EGFL6: variants seen among roughly 807,000 people sequenced by gnomAD.
EGFL6 encodes EGF like domain multiple 6.
Under a neutral mutation model 43.1 loss-of-function variants are expected in EGFL6, and 42 were observed. The ratio of observed to expected loss-of-function variants is 0.98; its 90% CI spans 0.76 to 1.26. EGFL6 has a LOEUF of 1.26. EGFL6 is among the 50% of genes most tolerant of loss of function. The pLI is 0.00. For missense variants in EGFL6, 429 were observed against 427.8 expected (o/e 1.00, Z -0.02); for synonymous variants, 164 against 163.2 (o/e 1.01, Z -0.04).
chrX:13,616,086 A>C (rs1444016100), intron 7 of EGFL6, among the ~76,000 whole-genome samples: 1 of 111,852 alleles, frequency 8.9e-6, no homozygotes, highest in African/African-American at 3.2e-5. Flanking sequence ...ATGCCTAGAT[A>C]TTTTATAGTG....
intron 1 of EGFL6, among the ~76,000 whole-genome samples, chrX:13,579,395 G>A (rs2045492957): frequency 9.0e-6 from 1 of 111,361 alleles, no homozygotes; most frequent in African/African-American, 3.3e-5. Context: ...ATGGCCTCCA[G>A]CTCCACCCAT....
At chrX:13,612,443 T>A (rs1218425993) in intron 7 of EGFL6, among the ~76,000 whole-genome samples, 3 of 109,933 alleles carry the variant, frequency 2.7e-5, no homozygotes, top group Non-Finnish European at 5.7e-5. Context: ...CTATGTCTAC[T>A]TCTTTCTACA....
intron 11 of EGFL6, among the ~76,000 whole-genome samples, chrX:13,630,265 A>G (rs185786997): frequency 2.7e-5 from 3 of 112,401 alleles, no homozygotes; most frequent in Non-Finnish European, 5.6e-5. Flanking sequence ...GATAAAAAAG[A>G]ACATTAAAAT....
rs1166312050 is a variant in EGFL6, at chrX:13,589,540, A to G, written c.75-16A>G. 1.4e-5 allele frequency: 17 copies of G among 1,183,231 alleles called. No individual in the cohort carries two copies. In the Admixed American group the frequency reaches 3.8e-4, roughly 27 times the overall value. ...TTCTATTTTCTCAATACTAACATGT[A>G]GTTCTTTATCTGCAGTGCAAGGCAT... On this transcript the variant is annotated splice_polypyrimidine_tract_variant and intron_variant, in intron 1 of 11. Transcript: ENST00000361306.
At chrX:13,617,234 T>C (rs1451440975) in intron 7 of EGFL6, among the ~76,000 whole-genome samples, 1 of 111,785 alleles carries the variant, frequency 8.9e-6, no homozygotes, top group Non-Finnish European at 1.9e-5. Flanking sequence ...AGAAAGAAAA[T>C]TGGGTATGTG....
intron 7 of EGFL6, among the ~76,000 whole-genome samples, chrX:13,611,875 G>A (rs1334867856): frequency 1.8e-5 from 2 of 111,878 alleles, no homozygotes; most frequent in Non-Finnish European, 3.8e-5. Flanking sequence ...ATTTAAAGGA[G>A]AAAACTATCT....
intron 9 of EGFL6, among the ~76,000 whole-genome samples, chrX:13,622,882 G>A (rs1227773797): frequency 2.7e-5 from 3 of 111,756 alleles, no homozygotes; most frequent in African/African-American, 9.8e-5. Context: ...ATCTAAACAA[G>A]GCAGTCATTA....
chrX:13,600,678 A>T (rs1313910264), intron 4 of EGFL6, among the ~76,000 whole-genome samples: 1 of 102,118 alleles, frequency 9.8e-6, no homozygotes, highest in African/African-American at 3.6e-5. Flanking sequence ...CAGGTGGACT[A>T]CCTGAGGTCA....
At chrX:13,614,337 C>T (rs1159259910) in intron 7 of EGFL6, among the ~76,000 whole-genome samples, 3 of 111,748 alleles carry the variant, frequency 2.7e-5, no homozygotes, top group Non-Finnish European at 5.6e-5. Context: ...GTCCTAGCCC[C>T]TTCCTGTTTC....
At chrX:13,630,253 T>A (rs910988742) in intron 11 of EGFL6, among the ~76,000 whole-genome samples, 5 of 112,122 alleles carry the variant, frequency 4.5e-5, no homozygotes, top group Non-Finnish European at 9.4e-5. Flanking sequence ...CCAAATCTCC[T>A]TGATAAAAAA....
intron 6 of EGFL6, 90 bp downstream of exon 6, chrX:13,606,603 A>G: frequency 2.9e-6 from 3 of 1,029,504 alleles, no homozygotes; most frequent in Non-Finnish European, 2.7e-6. Flanking sequence ...AATTCAAGCT[A>G]TTAGTTGAAC....
intron 6 of EGFL6, among the ~76,000 whole-genome samples, chrX:13,608,033 G>A (rs2370235): frequency 0.17 from 19,396 of 111,956 alleles, 2,223 homozygotes; most frequent in African/African-American, 0.42. Flanking sequence ...AGTTAGAGGA[G>A]AAAGTTAAGA....
Position 13,627,018 on chromosome X carries a change from C to T in EGFL6, c.1293C>T (p.Gly431=). 2 of 1,210,631 alleles carry T rather than the reference C, an allele frequency of 1.7e-6. No homozygotes were observed. Among genetic ancestry groups the T allele is most frequent in the Non-Finnish European group, 2.2e-6 (2 of 894,561 alleles). Residue 431 remains glycine (G), a synonymous_variant, in exon 11 of 12, where the codon GGC becomes GGT. Transcript: ENST00000361306. ...TTTTCCCTTCTCTTAAAGCTATTGG[C>T]TTCTATATGGCAGTTCCGGCCTTGG... The part of the protein sequence containing the change: ...WNPADRDNAI[G]FYMAVPALAG...
At chrX:13,608,264 G>GCACC in intron 6 of EGFL6, 60 bp from the exon 7 acceptor site, 1 of 1,189,848 alleles carries the variant, frequency 8.4e-7, no homozygotes, top group Non-Finnish European at 1.1e-6. Context: ...TCAAGTGTAA[G>GCACC]GGTGAGTCTT....
intron 2 of EGFL6, among the ~76,000 whole-genome samples, chrX:13,594,053 T>C (rs2045582461): frequency 9.0e-6 from 1 of 111,210 alleles, no homozygotes; most frequent in Admixed American, 9.5e-5. Context: ...CTCTCTCATA[T>C]ATTATATCCT....
intron 1 of EGFL6, among the ~76,000 whole-genome samples, chrX:13,582,870 C>T (rs1055991248): frequency 2.7e-5 from 3 of 111,702 alleles, no homozygotes; most frequent in African/African-American, 9.8e-5. Context: ...GGACTCGTGG[C>T]TGGTTTCTGA....
At chrX:13,620,448 C>T (rs1310310325) in intron 9 of EGFL6, among the ~76,000 whole-genome samples, 1 of 109,900 alleles carries the variant, frequency 9.1e-6, no homozygotes, top group Non-Finnish European at 1.9e-5. Context: ...TAATTGATTC[C>T]CTTTTGTGTT....
At chrX:13,581,524 T>G (rs907947848) in intron 1 of EGFL6, among the ~76,000 whole-genome samples, 1 of 112,608 alleles carries the variant, frequency 8.9e-6, no homozygotes, top group Non-Finnish European at 1.9e-5. Flanking sequence ...ATCTTTTATT[T>G]CATTTATATG....
At position 13,603,356 on chromosome X, in the gene EGFL6, G is replaced by A. The variant is rs1166762061; in HGVS notation, c.440G>A (p.Cys147Tyr). The A allele has an allele frequency of 1.7e-6, 2 of 1,210,680 alleles. No individual in the cohort carries two copies. The highest frequency in any genetic ancestry group is 2.2e-6 in the Non-Finnish European group (2 of 894,765). ...GCCATGATAAACTGTCAGTACAGCT[G>A]TGAAGACACAGAAGAAGGGCCACAG... ...TCAMINCQYS[C>Y]EDTEEGPQCL... Residue 147 changes from cysteine (C) to tyrosine (Y), a missense_variant, in exon 5 of 12, where the codon TGT becomes TAT. Physicochemically the swap from Cys to Tyr is radical, Grantham distance 194. Coordinates refer to ENST00000361306, the MANE Select transcript of EGFL6 (RefSeq NM_015507.4).
Sources: gnomAD v4.1 joint callset for allele counts (sites outside exome capture counted in the v4.1 genomes callset) on GRCh38, gnomAD v4.1.1 for gene constraint, MANE v1.5 for transcripts, NCBI Gene and HGNC (gene_info 2026-07-23, HGNC 2026-07-21) for gene names.